Variants in CRTC3 observed in about 807,000 individuals in gnomAD.
CRTC3 encodes CREB regulated transcription coactivator 3.
In CRTC3, 26 loss-of-function variants were observed where a neutral mutation model predicts 74.5. That is an observed-to-expected ratio of 0.35 (90% CI 0.26 to 0.48). The LOEUF (loss-of-function observed/expected upper bound fraction) is 0.48, where lower values mean the gene tolerates loss of function less well. CRTC3 is among the 20% of genes least tolerant of loss of function. CRTC3 has a pLI of 0.99. For synonymous variants in CRTC3, 377 were observed against 325.8 expected (o/e 1.16, Z -1.69); for missense variants, 760 against 787.3 (o/e 0.97, Z 0.41).
intron 10 of CRTC3, among the ~76,000 whole-genome samples, chr15:90,626,295 TGAACA>T (rs1968832526): frequency 6.6e-6 from 1 of 152,226 alleles, no homozygotes. Flanking sequence ...CCGTGTTGGC[TGAACA>T]GTATTAGTGG....
chr15:90,639,191 G>A (rs779118098), intron 13 of CRTC3, among the ~76,000 whole-genome samples: 15 of 152,216 alleles, frequency 9.9e-5, no homozygotes, highest in Admixed American at 3.9e-4. Flanking sequence ...AGGTGGCGCC[G>A]CATTTGGCCT....
chr15:90,607,698 C>G (rs1261098854), intron 6 of CRTC3, among the ~76,000 whole-genome samples: 2 of 152,208 alleles, frequency 1.3e-5, no homozygotes, highest in Non-Finnish European at 2.9e-5. Context: ...CACGCTCTCC[C>G]TCTTGGTGTC....
At chr15:90,608,503 G>C (rs554312619) in intron 6 of CRTC3, among the ~76,000 whole-genome samples, 1 of 152,172 alleles carries the variant, frequency 6.6e-6, no homozygotes, top group Admixed American at 6.5e-5. Context: ...GCCTCAGCTT[G>C]TGTGTGTCCT....
chr15:90,551,921 TAC>T (rs1195113624), intron 2 of CRTC3, among the ~76,000 whole-genome samples: 2 of 6,338 alleles, frequency 3.2e-4, no homozygotes, highest in African/African-American at 1.4e-3. Flanking sequence ...TACATTACAT[TAC>T]ACACACGCAC....
intron 2 of CRTC3, among the ~76,000 whole-genome samples, chr15:90,574,441 G>A (rs1327513694): frequency 6.6e-6 from 1 of 152,172 alleles, no homozygotes; most frequent in Non-Finnish European, 1.5e-5. Context: ...TCGCGCCACT[G>A]TACTCTAGCC....
At chr15:90,531,023 T>C (rs1467486394) in intron 1 of CRTC3, among the ~76,000 whole-genome samples, 1 of 150,522 alleles carries the variant, frequency 6.6e-6, no homozygotes, top group Non-Finnish European at 1.5e-5. Flanking sequence ...TCCTGAATGC[T>C]GACCTTGGAG....
intron 7 of CRTC3, 145 bp from the exon 8 acceptor site, chr15:90,617,738 C>T (rs1311054688): frequency 3.5e-6 from 2 of 577,698 alleles, no homozygotes; most frequent in African/African-American, 1.9e-5. Flanking sequence ...ACTATGTTGC[C>T]CAGGCTTGTC....
chr15:90,582,888 G>C (rs113432757), intron 2 of CRTC3, among the ~76,000 whole-genome samples: 4,704 of 152,290 alleles, frequency 0.031, 232 homozygotes, highest in African/African-American at 0.1. Flanking sequence ...GAATGAACAT[G>C]ATCCATCTTC....
intron 2 of CRTC3, among the ~76,000 whole-genome samples, chr15:90,577,309 A>C (rs879296040): frequency 6.6e-6 from 1 of 152,222 alleles, no homozygotes; most frequent in African/African-American, 2.4e-5. Context: ...TTGAGGACCA[A>C]GTAATACTGA....
intron 2 of CRTC3, among the ~76,000 whole-genome samples, chr15:90,585,164 C>A (rs537495938): frequency 2.0e-5 from 3 of 152,160 alleles, no homozygotes; most frequent in African/African-American, 7.2e-5. Flanking sequence ...TTTTTTGAAA[C>A]AACAAGGTCT....
Position 90,540,024 on chromosome 15 carries a change from T to A in CRTC3, c.133-15T>A, listed in dbSNP as rs1596069022. 1.3e-6 allele frequency: 2 copies of A among 1,581,720 alleles called. No individual in the cohort carries two copies. Among genetic ancestry groups the A allele is most frequent in the South Asian group, 2.2e-5 (2 of 90,304 alleles). ...GCTGTTACCTCTCAGCGTTCTTAAA[T>A]CACTTTGTTTCCAGGTTCAATTTCA... On this transcript the variant is annotated splice_polypyrimidine_tract_variant and intron_variant, in intron 1 of 14. Coordinates refer to ENST00000268184, the MANE Select transcript of CRTC3 (RefSeq NM_022769.5).
intron 1 of CRTC3, 161 bp from the exon 2 acceptor site, chr15:90,539,878 C>T: frequency 1.6e-6 from 1 of 623,040 alleles, no homozygotes; most frequent in Non-Finnish European, 2.8e-6. Context: ...AATCAAAACC[C>T]AGAAAGCACC....
At chr15:90,575,551 C>G (rs936352049) in intron 2 of CRTC3, among the ~76,000 whole-genome samples, 4 of 152,098 alleles carry the variant, frequency 2.6e-5, no homozygotes, top group Admixed American at 2.6e-4. Flanking sequence ...AGCTAGTTGT[C>G]TCAACACTAT....
chr15:90,559,030 G>A (rs1326707781), intron 2 of CRTC3, among the ~76,000 whole-genome samples: 3 of 152,114 alleles, frequency 2.0e-5, no homozygotes, highest in Non-Finnish European at 1.5e-5. Context: ...GGGATTGCAG[G>A]TGTGAGCCAC....
In CRTC3 at chr15:90,641,172, G is replaced by A. The variant is rs150890712; in HGVS notation, c.1624G>A (p.Gly542Arg). The A allele has an allele frequency of 1.3e-5, 21 of 1,613,660 alleles. No individual in the cohort carries two copies. Among genetic ancestry groups the A allele is most frequent in the East Asian group, 2.2e-5 (1 of 44,898 alleles). Residue 542 changes from glycine to arginine, a missense_variant, in exon 14 of 15, where the codon GGG (glycine) becomes AGG (arginine). Around this residue, in one of 2 missense-constraint regions of CRTC3, gnomAD observed 652 missense variants for 635.2 expected, o/e 1.03. Coordinates refer to ENST00000268184, the MANE Select transcript of CRTC3 (RefSeq NM_022769.5). ...HLRPSPYSNCGSLPNTILPED... is the reference protein window; with the variant it reads ...HLRPSPYSNCRSLPNTILPED... ...GAGACCAAGCCCGTATTCCAACTGC[G>A]GGAGTCTCCCGAACACCATCCTGCC...
chr15:90,575,963 A>G (rs1488616012), intron 2 of CRTC3, among the ~76,000 whole-genome samples: 1 of 152,192 alleles, frequency 6.6e-6, no homozygotes, highest in African/African-American at 2.4e-5. Flanking sequence ...TTTGTGTTTT[A>G]GGAAGATTAT....
intron 11 of CRTC3, among the ~76,000 whole-genome samples, chr15:90,635,573 A>C (rs1969203466): frequency 6.6e-6 from 1 of 152,160 alleles, no homozygotes; most frequent in African/African-American, 2.4e-5. Flanking sequence ...TGAACCCAGG[A>C]GGTGGAGGTT....
At position 90,571,574 on chromosome 15, in the gene CRTC3, G is replaced by A. The variant is rs1276173287; in HGVS notation, c.232-22062G>A. Among the ~76,000 whole-genome samples, 5 of 152,176 alleles carry A rather than the reference G, an allele frequency of 3.3e-5. 1 individual carries two copies. The highest frequency in any genetic ancestry group is 4.1e-4 in the South Asian group (2 of 4,836). ...AATTTGGATTTTGTCCTAAGGCGGT[G>A]TAAAGCTATTGGAAGGATATTCATT... On this transcript the variant is annotated intron_variant, in intron 2 of 14. Transcript: ENST00000268184.
rs202181818 is a variant in CRTC3 at position 90,619,696 on chromosome 15, T to G, written c.700-45T>G. 5.6e-5 allele frequency: 88 copies of G among 1,579,046 alleles called. No homozygotes were observed. In the African/African-American group the frequency reaches 1.1e-3, roughly 19 times the overall value. ...GAAGACACTTTTCAAAAACTTGAAT[T>G]TGGCTTTACAGCGAGTAAGCCCAGC... is the stretch of plus-strand genomic sequence containing the variant. On this transcript the variant is annotated intron_variant, in intron 8 of 14. Transcript: ENST00000268184.
Sources: allele counts gnomAD v4.1 joint callset (sites outside exome capture counted in the v4.1 genomes callset), GRCh38; gene constraint gnomAD v4.1.1; regional missense constraint gnomAD v4.1.1; transcripts MANE v1.5; gene names NCBI Gene and HGNC (gene_info 2026-07-23, HGNC 2026-07-21).